The following OPCML variants were observed in gnomAD, a reference collection of about 807,000 sequenced individuals.
The protein encoded by OPCML is opioid binding protein/cell adhesion molecule like.
OPCML carries 13 observed loss-of-function variants against 37.8 expected under a neutral mutation model. The ratio of observed to expected loss-of-function variants is 0.34; its 90% CI spans 0.22 to 0.55. OPCML has a LOEUF of 0.55. Ranked by LOEUF, OPCML falls within the 20% of genes least tolerant of loss-of-function variation. The pLI is 0.91. For missense variants in OPCML, 341 were observed against 435.6 expected (o/e 0.78, Z 1.93); for synonymous variants, 176 against 168.8 (o/e 1.04, Z -0.33).
Position 132,850,464 on chromosome 11 carries a change from G to T in OPCML, c.146+92462C>A, listed in dbSNP as rs113490454. On this transcript the variant is annotated intron_variant, in intron 2 of 7. Transcript: ENST00000524381. ...ACAAGAATCAATTAGGGCCAGACAG[G>T]GTGTTGGAAGTTAAACAATTTGTCT... Among the ~76,000 whole-genome samples, 319 of 152,042 alleles carry T rather than the reference G, an allele frequency of 2.1e-3. 2 individuals are homozygous for T. The highest frequency in any genetic ancestry group is 7.4e-3 in the African/African-American group (305 of 41,456).
At chr11:133,093,615 C>A (rs1287977601) in intron 1 of OPCML, among the ~76,000 whole-genome samples, 1 of 152,138 alleles carries the variant, frequency 6.6e-6, no homozygotes, top group East Asian at 1.9e-4. Context: ...ATTGGTCTGT[C>A]TCAAAAGCCA....
At chr11:132,511,378 C>G (rs1481981354) in intron 4 of OPCML, among the ~76,000 whole-genome samples, 1 of 151,924 alleles carries the variant, frequency 6.6e-6, no homozygotes, top group Non-Finnish European at 1.5e-5. Flanking sequence ...AATGCATTCC[C>G]AATCAAAATC....
At chr11:132,843,031 C>T (rs1254064346) in intron 2 of OPCML, among the ~76,000 whole-genome samples, 1 of 151,844 alleles carries the variant, frequency 6.6e-6, no homozygotes, top group African/African-American at 2.4e-5. Flanking sequence ...AAATCAGTTG[C>T]CAGAGACTAG....
At chr11:133,140,850 C>T (rs201681017) in intron 1 of OPCML, among the ~76,000 whole-genome samples, 1 of 70,260 alleles carries the variant, frequency 1.4e-5, no homozygotes, top group African/African-American at 5.7e-5. Flanking sequence ...ACGACGACGA[C>T]GACGAAGAAG....
At chr11:132,924,480 G>T (rs1944922863) in intron 2 of OPCML, among the ~76,000 whole-genome samples, 1 of 152,172 alleles carries the variant, frequency 6.6e-6, no homozygotes, top group African/African-American at 2.4e-5. Flanking sequence ...CAAGTCTATT[G>T]AAGACAAATC....
intron 3 of OPCML, among the ~76,000 whole-genome samples, chr11:132,656,631 C>CA (rs1941720927): frequency 6.6e-6 from 1 of 152,164 alleles, no homozygotes; most frequent in African/African-American, 2.4e-5. Flanking sequence ...AAACAGCACT[C>CA]AGAGACCCCT....
At chr11:133,494,016 A>G (rs201070647) in intron 1 of OPCML, among the ~76,000 whole-genome samples, 61,147 of 151,502 alleles carry the variant, frequency 0.4, 16,234 homozygotes, top group African/African-American at 0.76. Flanking sequence ...AATTTACAAA[A>G]AAAAAAAACA....
Position 132,574,246 on chromosome 11 carries a change from T to G in OPCML, c.380-45060A>C, listed in dbSNP as rs563481417. Reference sequence around the variant, plus strand: ...TTTATTTCTGCTCTAATCTTTGTGTTTTTTTTTTTTTGGTTTTTTTGTTTG... The same window carrying G: ...TTTATTTCTGCTCTAATCTTTGTGTGTTTTTTTTTTTGGTTTTTTTGTTTG... On this transcript the variant is annotated intron_variant, in intron 3 of 7. Transcript: ENST00000524381. Among the ~76,000 whole-genome samples the G allele has an allele frequency of 1.2e-3, 138 of 117,268 alleles. 2 individuals are homozygous for G. The South Asian group carries it at 0.036, about 30-fold the overall frequency. 76.9% of individuals were successfully genotyped at this position (117,268 alleles called of 152,430 possible).
intron 1 of OPCML, among the ~76,000 whole-genome samples, chr11:132,992,565 A>G (rs1015500730): frequency 6.6e-6 from 1 of 152,088 alleles, no homozygotes; most frequent in Admixed American, 6.5e-5. Context: ...CCTTGCCATC[A>G]TGGAGTTGGT....
At chr11:133,432,710 A>G (rs1302217972) in intron 1 of OPCML, among the ~76,000 whole-genome samples, 2 of 152,068 alleles carry the variant, frequency 1.3e-5, no homozygotes, top group Non-Finnish European at 2.9e-5. Context: ...GACATTTTCC[A>G]TTTTTTTGTT....
chr11:133,062,625 T>A (rs1948367804), intron 1 of OPCML, among the ~76,000 whole-genome samples: 1 of 152,208 alleles, frequency 6.6e-6, no homozygotes, highest in Non-Finnish European at 1.5e-5. Context: ...AGATGAGATC[T>A]TCTGAGCCCT....
intron 2 of OPCML, among the ~76,000 whole-genome samples, chr11:132,803,988 A>G (rs1226036618): frequency 6.6e-6 from 1 of 152,230 alleles, no homozygotes; most frequent in East Asian, 1.9e-4. Flanking sequence ...GAGACACATT[A>G]CATAAATAAT....
At chr11:133,168,072 A>C (rs539153691) in intron 1 of OPCML, among the ~76,000 whole-genome samples, 16 of 152,326 alleles carry the variant, frequency 1.1e-4, no homozygotes, top group Non-Finnish European at 2.2e-4. Flanking sequence ...AAAAGTGAGA[A>C]GTGATTCAGT....
chr11:132,855,595 T>C (rs1436349457), intron 2 of OPCML, among the ~76,000 whole-genome samples: 1 of 152,200 alleles, frequency 6.6e-6, no homozygotes, highest in East Asian at 1.9e-4. Context: ...GGTAACTCCA[T>C]GTTTAACATT....
At chr11:133,292,399 C>T (rs1942504837) in intron 1 of OPCML, among the ~76,000 whole-genome samples, 1 of 152,082 alleles carries the variant, frequency 6.6e-6, no homozygotes, top group African/African-American at 2.4e-5. Flanking sequence ...TCTAGGAATC[C>T]CTTTCTTTTT....
At chr11:132,810,700 T>C (rs1939291426) in intron 2 of OPCML, 1 of 152,000 alleles carries the variant, frequency 6.6e-6, no homozygotes, top group South Asian at 2.1e-4. Flanking sequence ...CAAAAATAAA[T>C]AAATAAGAAA....
intron 1 of OPCML, among the ~76,000 whole-genome samples, chr11:133,288,140 G>A (rs1027004153): frequency 6.6e-6 from 1 of 152,198 alleles, no homozygotes; most frequent in African/African-American, 2.4e-5. Context: ...TGCTAAAGAT[G>A]TGAGCCACCA....
At chr11:132,712,325 A>G (rs1161178435) in intron 2 of OPCML, among the ~76,000 whole-genome samples, 2 of 139,524 alleles carry the variant, frequency 1.4e-5, no homozygotes, top group Non-Finnish European at 3.1e-5. Flanking sequence ...CTCCTCCCCC[A>G]CAAGTGGTCT....
rs1032111330 is a variant in OPCML, at chr11:133,158,657, G to A, written c.62-215647C>T. Among the ~76,000 whole-genome samples the A allele has an allele frequency of 2.7e-4, 40 of 150,498 alleles. 1 individual carries two copies. Among genetic ancestry groups the A allele is most frequent in the Non-Finnish European group, 2.9e-5 (2 of 67,888 alleles). On this transcript the variant is annotated intron_variant, in intron 1 of 7. Transcript: ENST00000524381. ...GGAGGTTGCAGTGAGCCAAGATCAC[G>A]CCACTGCACTCCAGCCTGGTGACAG...
Sources: gnomAD v4.1 joint callset for allele counts (sites outside exome capture counted in the v4.1 genomes callset) on GRCh38, gnomAD v4.1.1 for gene constraint, MANE v1.5 for transcripts, NCBI Gene and HGNC (gene_info 2026-07-23, HGNC 2026-07-21) for gene names.